The following RARA variants were observed in gnomAD, a reference collection of about 807,000 sequenced individuals.
The protein encoded by RARA is retinoic acid receptor alpha, also known as PML-DDX5-RARA fusion.
A neutral mutation model predicts 42.8 loss-of-function variants in RARA; 5 were observed. The observed-to-expected ratio is 0.12, with a 90% CI of 0.06 to 0.25. The LOEUF is 0.25. Ranked by LOEUF, RARA falls within the 10% of genes least tolerant of loss-of-function variation. The pLI is 1.00. For missense variants in RARA, 402 were observed against 628.7 expected (o/e 0.64, Z 3.86); for synonymous variants, 256 against 259.5 (o/e 0.99, Z 0.13).
At chr17:40,337,198 T>C (rs1012972950) in intron 2 of RARA, among the ~76,000 whole-genome samples, 3 of 152,366 alleles carry the variant, frequency 2.0e-5, no homozygotes, top group African/African-American at 7.2e-5. Flanking sequence ...ACTGTAGGAT[T>C]GTAAAGCTGG....
Position 40,331,113 on chromosome 17 carries a change from A to C in RARA, c.-106A>C. On this transcript the variant is annotated 5_prime_UTR_variant, in exon 2 of 9. Coordinates refer to ENST00000254066, the MANE Select transcript of RARA (RefSeq NM_000964.4). ...GACAGGGCGGGTGGGCTGACCACCCAAACCCCATCTGGGCCCAGGCCCCAT... is the reference window on the plus strand; with the variant it reads ...GACAGGGCGGGTGGGCTGACCACCCCAACCCCATCTGGGCCCAGGCCCCAT... 1 of 1,355,222 alleles carries C rather than the reference A, an allele frequency of 7.4e-7. No individual in the cohort carries two copies. The highest frequency in any genetic ancestry group is 1.0e-6 in the Non-Finnish European group (1 of 1,000,696). The allele number at this position is 1,355,222 out of a possible 1,614,324, so 83.9% of individuals were successfully genotyped here.
At chr17:40,349,683 G>T (rs2034379740) in intron 3 of RARA, 101 bp from the exon 4 acceptor site, 1 of 1,469,924 alleles carries the variant, frequency 6.8e-7, no homozygotes, top group East Asian at 2.3e-5. Context: ...ACGCTTGGGG[G>T]CAGCAGCTGG....
At chr17:40,353,210 G>T (rs2034508247) in intron 6 of RARA, among the ~76,000 whole-genome samples, 1 of 152,042 alleles carries the variant, frequency 6.6e-6, no homozygotes, top group Non-Finnish European at 1.5e-5. Flanking sequence ...ACTTGCTGCT[G>T]TGAGGCCATG....
At chr17:40,309,523 A>G (rs2033056010) in intron 1 of RARA, among the ~76,000 whole-genome samples, 1 of 152,134 alleles carries the variant, frequency 6.6e-6, no homozygotes, top group Admixed American at 6.5e-5. Context: ...CGTTCTCTAG[A>G]TAAGAGTGGG....
chr17:40,342,576 G>A, intron 2 of RARA: 1 of 1,383,204 alleles, frequency 7.2e-7, no homozygotes, highest in Non-Finnish European at 9.3e-7. Context: ...CCCCCTGCCC[G>A]GGTCACCAGT....
At chr17:40,341,449 A>G in intron 2 of RARA, 1 of 1,523,554 alleles carries the variant, frequency 6.6e-7, no homozygotes. Flanking sequence ...TCCGAGCTGC[A>G]CAATGTCACA....
intron 6 of RARA, among the ~76,000 whole-genome samples, chr17:40,353,006 C>G (rs1306107559): frequency 6.6e-6 from 1 of 152,208 alleles, no homozygotes; most frequent in East Asian, 1.9e-4. Context: ...CATCCCCTCT[C>G]TTGAAAACCT....
rs74995115 is a variant in RARA at position 40,338,503 on chromosome 17, G to A, written c.178+7107G>A. ...AGGACAGTTCTTCCTGTGTGGCCTTGGGCAGGTCACCCAAGCTCTCTCCAA... is the reference window on the plus strand; with the variant it reads ...AGGACAGTTCTTCCTGTGTGGCCTTAGGCAGGTCACCCAAGCTCTCTCCAA... On this transcript the variant is annotated intron_variant, in intron 2 of 8. Transcript: ENST00000254066. 1.9e-3 allele frequency among the ~76,000 whole-genome samples: 287 copies of A among 152,230 alleles called. 1 individual carries two copies. The highest frequency in any genetic ancestry group is 6.7e-3 in the African/African-American group (280 of 41,520).
chr17:40,315,161 T>C (rs1196639506), intron 1 of RARA, among the ~76,000 whole-genome samples: 2,834 of 125,086 alleles, frequency 0.023, 180 homozygotes, highest in African/African-American at 0.098. Flanking sequence ...TATATATATA[T>C]ATATATATAT....
intron 2 of RARA, among the ~76,000 whole-genome samples, chr17:40,331,800 C>T (rs924967474): frequency 7.2e-5 from 11 of 152,170 alleles, no homozygotes; most frequent in Non-Finnish European, 1.3e-4. Context: ...ACACCACCTA[C>T]GCCCCACCCC....
intron 1 of RARA, among the ~76,000 whole-genome samples, chr17:40,327,516 G>A (rs1449781760): frequency 2.6e-5 from 4 of 152,224 alleles, no homozygotes; most frequent in African/African-American, 4.8e-5. Context: ...TGTGAGGTTC[G>A]GAGAATGTAC....
rs2034216089 is a variant in RARA, at chr17:40,345,165, G to C, written c.179-3151G>C. The C allele has an allele frequency of 6.5e-6, 1 of 153,800 alleles. No individual in the cohort carries two copies. Among genetic ancestry groups the C allele is most frequent in the South Asian group, 2.1e-4 (1 of 4,830 alleles). The allele number at this position is 153,800 out of a possible 1,614,324, so 9.5% of individuals were successfully genotyped here. A position where few individuals can be genotyped will look rare whatever the true frequency, so the allele number is the denominator to read the frequency against. ...ATCTCCGCCACTCACACCTCCGCCC[G>C]CTCCCAGACGTCCAAGAATGTGAAG... On this transcript the variant is annotated intron_variant, in intron 2 of 8. Transcript: ENST00000254066. The surrounding 1 kb of genome is among the most constrained non-coding windows in gnomAD (Gnocchi z 4.8).
chr17:40,342,552 C>A (rs2034101743), intron 2 of RARA: 2 of 1,341,358 alleles, frequency 1.5e-6, no homozygotes, highest in Admixed American at 3.7e-5. Flanking sequence ...GCGGGGACTT[C>A]AGGGCAGGGG....
chr17:40,344,946 G>A (rs186800921), intron 2 of RARA, among the ~76,000 whole-genome samples: 8 of 152,334 alleles, frequency 5.3e-5, no homozygotes, highest in Admixed American at 2.0e-4. Context: ...GCTGCCTCCA[G>A]CCCCCTCTTG....
At chr17:40,329,137 CT>C (rs71152664) in intron 1 of RARA, among the ~76,000 whole-genome samples, 35,129 of 144,590 alleles carry the variant, frequency 0.24, 6,368 homozygotes, top group African/African-American at 0.52. Flanking sequence ...TCTCATTGTG[CT>C]TTTTTTTTTT....
chr17:40,355,945 T>TGCTGGG lies in RARA; in HGVS notation c.1172-56_1172-51dup. On this transcript the variant is annotated intron_variant, in intron 8 of 8. Transcript: ENST00000254066. This position sits in a 1 kb window ranked among gnomAD's most constrained non-coding sequence, Gnocchi z 4.1. ...TGATCTTCCCACCTCGAGCCAGGCT[T>TGCTGGG]GCTGGGGCTGGGGGTGGGAGGGCTG... is the stretch of plus-strand genomic sequence containing the variant. The TGCTGGG allele has an allele frequency of 7.0e-7, 1 of 1,430,396 alleles. No individual in the cohort carries two copies. The highest frequency in any genetic ancestry group is 1.3e-5 in the South Asian group (1 of 77,364). The allele number at this position is 1,430,396 out of a possible 1,614,324, so 88.6% of individuals were successfully genotyped here. A position where few individuals can be genotyped will look rare whatever the true frequency, so the allele number is the denominator to read the frequency against.
intron 3 of RARA, 43 bp from the exon 4 acceptor site, chr17:40,349,741 A>T (rs542669317): frequency 6.2e-7 from 1 of 1,610,596 alleles, no homozygotes; most frequent in South Asian, 1.1e-5. Flanking sequence ...CACTGCTCCC[A>T]CTGTGGGTGT....
intron 1 of RARA, among the ~76,000 whole-genome samples, chr17:40,319,419 C>T (rs1368822497): frequency 6.6e-6 from 1 of 152,090 alleles, no homozygotes; most frequent in East Asian, 1.9e-4. Flanking sequence ...ACCTCCTGCC[C>T]CCTCTGGCTC....
intron 2 of RARA, among the ~76,000 whole-genome samples, chr17:40,343,469 C>T (rs1251384191): frequency 6.6e-6 from 1 of 152,210 alleles, no homozygotes; most frequent in East Asian, 1.9e-4. Context: ...TCCATCTTGG[C>T]AAGGGGCACT....
Sources: gnomAD v4.1 joint callset for allele counts (sites outside exome capture counted in the v4.1 genomes callset) on GRCh38, gnomAD v4.1.1 for gene constraint, Gnocchi (gnomAD v3.1) non-coding constraint, MANE v1.5 for transcripts, NCBI Gene and HGNC (gene_info 2026-07-23, HGNC 2026-07-21) for gene names.